The following TSHZ2 variants were observed in gnomAD, a reference collection of about 807,000 sequenced individuals.
The protein encoded by TSHZ2 is teashirt homolog 2.
In TSHZ2, 21 loss-of-function variants were observed where a neutral mutation model predicts 74.4. The observed-to-expected ratio is 0.28, with a 90% CI of 0.20 to 0.41. The LOEUF (loss-of-function observed/expected upper bound fraction) is 0.41, where lower values mean the gene tolerates loss of function less well. Ranked by LOEUF, TSHZ2 falls within the 10% of genes least tolerant of loss-of-function variation. TSHZ2 has a pLI of 1.00. For synonymous variants in TSHZ2, 540 were observed against 515.3 expected (o/e 1.05, Z -0.65); for missense variants, 1,244 against 1,293.5 (o/e 0.96, Z 0.59).
intron 2 of TSHZ2, among the ~76,000 whole-genome samples, chr20:53,416,454 C>T (rs1357736823): frequency 6.6e-6 from 1 of 152,200 alleles, no homozygotes; most frequent in Non-Finnish European, 1.5e-5. Flanking sequence ...GCTAGTTCTT[C>T]GCCCTTTCTA....
At chr20:53,117,646 G>A (rs1986706600) in intron 1 of TSHZ2, among the ~76,000 whole-genome samples, 1 of 152,190 alleles carries the variant, frequency 6.6e-6, no homozygotes, top group African/African-American at 2.4e-5. Context: ...TAGAACAAGA[G>A]TGTATCAAGG....
chr20:53,375,757 T>C (rs1016740890), intron 2 of TSHZ2, among the ~76,000 whole-genome samples: 1 of 152,204 alleles, frequency 6.6e-6, no homozygotes, highest in Non-Finnish European at 1.5e-5. Context: ...GAAACATTCT[T>C]GTGTGCATCA....
chr20:53,409,150 G>A (rs952355154), intron 2 of TSHZ2, among the ~76,000 whole-genome samples: 1 of 152,034 alleles, frequency 6.6e-6, no homozygotes, highest in Non-Finnish European at 1.5e-5. Flanking sequence ...ACAGAAGGGG[G>A]GATGTGAACT....
chr20:53,435,703 C>T (rs541456116), intron 2 of TSHZ2, among the ~76,000 whole-genome samples: 2 of 152,220 alleles, frequency 1.3e-5, no homozygotes, highest in East Asian at 3.9e-4. Context: ...TTAGTAGAGA[C>T]GTGGATTCAC....
chr20:53,415,277 A>G (rs1424035195), intron 2 of TSHZ2, among the ~76,000 whole-genome samples: 1 of 152,252 alleles, frequency 6.6e-6, no homozygotes, highest in Non-Finnish European at 1.5e-5. Flanking sequence ...TCATCTTTGT[A>G]GTCTAATGAA....
At chr20:53,346,649 G>A (rs1980451255) in intron 2 of TSHZ2, among the ~76,000 whole-genome samples, 1 of 152,194 alleles carries the variant, frequency 6.6e-6, no homozygotes, top group Admixed American at 6.5e-5. Context: ...GCCCCGTCTA[G>A]GGTAGAGTGT....
At chr20:53,241,236 A>G (rs2426473) in intron 1 of TSHZ2, among the ~76,000 whole-genome samples, 108,002 of 152,096 alleles carry the variant, frequency 0.71, 39,371 homozygotes, top group African/African-American at 0.88. Flanking sequence ...GAAGACCTAT[A>G]TATTGAAAAC....
intron 2 of TSHZ2, among the ~76,000 whole-genome samples, chr20:53,369,399 G>C (rs1340931482): frequency 5.9e-5 from 9 of 152,062 alleles, no homozygotes. Flanking sequence ...CAGGGAAAGG[G>C]AATAGTCATT....
chr20:52,986,588 G>A (rs1232397571), intron 1 of TSHZ2, among the ~76,000 whole-genome samples: 1 of 151,354 alleles, frequency 6.6e-6, no homozygotes, highest in Non-Finnish European at 1.5e-5. Context: ...AATTAGCCAG[G>A]CGTGATGGGG....
intron 2 of TSHZ2, among the ~76,000 whole-genome samples, chr20:53,433,166 T>C (rs747554416): frequency 6.6e-6 from 1 of 152,354 alleles, no homozygotes; most frequent in East Asian, 1.9e-4. Flanking sequence ...AGCTGCAAGA[T>C]GCTGTGACAT....
At chr20:53,480,110 C>A (rs1204137797) in intron 2 of TSHZ2, among the ~76,000 whole-genome samples, 1 of 150,278 alleles carries the variant, frequency 6.7e-6, no homozygotes, top group African/African-American at 2.5e-5. Context: ...CTCTTGTTGC[C>A]CAGGCTAGAG....
intron 2 of TSHZ2, among the ~76,000 whole-genome samples, chr20:53,455,828 G>A (rs1349661642): frequency 1.4e-5 from 2 of 148,142 alleles, no homozygotes; most frequent in African/African-American, 2.5e-5. Context: ...TTTTGTTCTT[G>A]CGATAGTTTA....
intron 1 of TSHZ2, among the ~76,000 whole-genome samples, chr20:53,248,116 A>G (rs1409813918): frequency 6.6e-6 from 1 of 152,122 alleles, no homozygotes; most frequent in South Asian, 2.1e-4. Flanking sequence ...TGTCACCCAG[A>G]CTGCAGGGCA....
chr20:53,053,101 G>A lies in TSHZ2; in HGVS notation c.40+79768G>A, dbSNP rs555377382. Among the ~76,000 whole-genome samples the A allele has an allele frequency of 5.9e-5, 9 of 152,284 alleles. No homozygotes were observed. The South Asian group carries it at 1.9e-3, about 32-fold the overall frequency. ...GGTAGAGAGACTTTCTGTCTCTATA[G>A]ATTGACCTGTTTGGGGCCTTTCATA... is the stretch of plus-strand genomic sequence containing the variant. On this transcript the variant is annotated intron_variant, in intron 1 of 2. Transcript: ENST00000371497.
intron 2 of TSHZ2, among the ~76,000 whole-genome samples, chr20:53,319,482 A>T (rs1600808178): frequency 6.6e-6 from 1 of 152,230 alleles, no homozygotes; most frequent in Non-Finnish European, 1.5e-5. Flanking sequence ...GCCGTTAACC[A>T]CTAGGTTGTC....
intron 1 of TSHZ2, among the ~76,000 whole-genome samples, chr20:52,988,581 T>C (rs934879910): frequency 5.3e-5 from 8 of 151,578 alleles, no homozygotes; most frequent in African/African-American, 1.9e-4. Context: ...AGTAAGTCAA[T>C]TGTGTTGTAG....
chr20:53,265,936 G>A (rs1023702672), intron 2 of TSHZ2, among the ~76,000 whole-genome samples: 1 of 151,700 alleles, frequency 6.6e-6, no homozygotes, highest in Non-Finnish European at 1.5e-5. Flanking sequence ...ACCAATATTT[G>A]TCAGACACTT....
chr20:53,159,970 C>T (rs568208480), intron 1 of TSHZ2, among the ~76,000 whole-genome samples: 2 of 152,248 alleles, frequency 1.3e-5, no homozygotes, highest in East Asian at 3.9e-4. Flanking sequence ...TTGGAGGAGG[C>T]TTTCCTGAGG....
intron 1 of TSHZ2, among the ~76,000 whole-genome samples, chr20:53,069,557 G>A (rs916774646): frequency 1.3e-5 from 2 of 151,892 alleles, no homozygotes; most frequent in Non-Finnish European, 2.9e-5. Context: ...AGTATTCTGG[G>A]GAAGAGAAAC....
Sources: allele counts gnomAD v4.1 joint callset (sites outside exome capture counted in the v4.1 genomes callset), GRCh38; gene constraint gnomAD v4.1.1; transcripts MANE v1.5; gene names NCBI Gene and HGNC (gene_info 2026-07-23, HGNC 2026-07-21).